Variants in PLCG2 observed in about 807,000 individuals in gnomAD.
The protein encoded by PLCG2 is phospholipase C gamma 2, also known as 1-phosphatidylinositol 4,5-bisphosphate phosphodiesterase gamma-2.
A neutral mutation model predicts 175.6 loss-of-function variants in PLCG2; 69 were observed. That is an observed-to-expected ratio of 0.39 (90% CI 0.32 to 0.48). The LOEUF (loss-of-function observed/expected upper bound fraction) is 0.48. Ranked by LOEUF, PLCG2 falls within the 20% of genes least tolerant of loss-of-function variation. The probability of loss-of-function intolerance (pLI) is 0.91; values close to 1 mark genes in which losing one functional copy is unlikely to be tolerated. For synonymous variants in PLCG2, 827 were observed against 624.0 expected (o/e 1.33, Z -4.85); for missense variants, 1,798 against 1,650.9 (o/e 1.09, Z -1.54).
chr16:81,834,385 C>T (rs1050851997), intron 2 of PLCG2, among the ~76,000 whole-genome samples: 6 of 152,046 alleles, frequency 3.9e-5, no homozygotes, highest in Admixed American at 6.6e-5. Context: ...GCCCAGGAGC[C>T]GGCGCGGGTG....
chr16:81,856,214 C>T (rs556177179), intron 3 of PLCG2, among the ~76,000 whole-genome samples: 1 of 152,296 alleles, frequency 6.6e-6, no homozygotes, highest in South Asian at 2.1e-4. Flanking sequence ...AAGATGAGAG[C>T]AGCAGTCTCT....
intron 2 of PLCG2, among the ~76,000 whole-genome samples, chr16:81,846,905 C>T (rs187908676): frequency 1.6e-3 from 250 of 152,262 alleles, no homozygotes; most frequent in African/African-American, 5.8e-3. Flanking sequence ...GTTTTCCCCC[C>T]ACGCATCAAG....
At chr16:81,804,152 A>T (rs531679922) in intron 2 of PLCG2, among the ~76,000 whole-genome samples, 1 of 152,166 alleles carries the variant, frequency 6.6e-6, no homozygotes, top group South Asian at 2.1e-4. Flanking sequence ...CAGTTGCACC[A>T]TTTACTTTCC....
At chr16:81,740,778 C>G (rs1342842883) in intron 1 of PLCG2, among the ~76,000 whole-genome samples, 1 of 78,410 alleles carries the variant, frequency 1.3e-5, no homozygotes, top group African/African-American at 4.8e-5. Flanking sequence ...CAAACCAAAA[C>G]ACAACCAAAG....
intron 2 of PLCG2, among the ~76,000 whole-genome samples, chr16:81,768,025 G>C (rs1283654714): frequency 6.6e-6 from 1 of 152,128 alleles, no homozygotes; most frequent in Non-Finnish European, 1.5e-5. Flanking sequence ...GAGTAGCTGG[G>C]ATTACAGGCA....
chr16:81,773,951 G>C (rs564393866), intron 2 of PLCG2, among the ~76,000 whole-genome samples: 1 of 151,922 alleles, frequency 6.6e-6, no homozygotes, highest in Non-Finnish European at 1.5e-5. Context: ...TGGAGCCTGG[G>C]AGTGCCTGGC....
At chr16:81,795,349 G>A (rs1911419824) in intron 2 of PLCG2, among the ~76,000 whole-genome samples, 1 of 152,204 alleles carries the variant, frequency 6.6e-6, no homozygotes, top group Admixed American at 6.5e-5. Context: ...GACTTGAAGG[G>A]TGAGAAGGAG....
chr16:81,886,368 C>T (rs140103404), intron 9 of PLCG2, among the ~76,000 whole-genome samples: 1 of 152,302 alleles, frequency 6.6e-6, no homozygotes, highest in East Asian at 1.9e-4. Flanking sequence ...CACAGATGCT[C>T]ATATGGAATA....
intron 2 of PLCG2, among the ~76,000 whole-genome samples, chr16:81,758,413 T>A (rs993047484): frequency 1.3e-5 from 2 of 152,246 alleles, no homozygotes; most frequent in Non-Finnish European, 2.9e-5. Flanking sequence ...TGACGGACAT[T>A]TGGGTTGCCT....
intron 2 of PLCG2, among the ~76,000 whole-genome samples, chr16:81,786,736 A>T (rs1910989506): frequency 6.6e-6 from 1 of 152,230 alleles, no homozygotes; most frequent in African/African-American, 2.4e-5. Context: ...CAGCTGGTTC[A>T]GATCCTAAAG....
rs968158251 is a variant in PLCG2, at chr16:81,803,181, T to C, written c.193+16999T>C. Among the ~76,000 whole-genome samples the C allele has an allele frequency of 2.0e-5, 3 of 148,754 alleles. No individual in the cohort carries two copies. In the South Asian group the frequency reaches 6.4e-4, roughly 32 times the overall value. On this transcript the variant is annotated intron_variant, in intron 2 of 32. Coordinates refer to ENST00000564138, the MANE Select transcript of PLCG2 (RefSeq NM_002661.5). ...TCGCCCAGGCTGGAGTGCAGTGGCATGATCTCGGCTCACTGCAAGCTCTGC... is the reference window on the plus strand; with the variant it reads ...TCGCCCAGGCTGGAGTGCAGTGGCACGATCTCGGCTCACTGCAAGCTCTGC...
intron 2 of PLCG2, among the ~76,000 whole-genome samples, chr16:81,824,050 TG>T (rs1320700381): frequency 0.53 from 35,068 of 65,942 alleles, 8,802 homozygotes; most frequent in East Asian, 0.8. Context: ...TTTCCTTTCC[TG>T]TCCTGTCCTG....
intron 3 of PLCG2, among the ~76,000 whole-genome samples, chr16:81,856,577 T>C (rs1479089615): frequency 6.6e-6 from 1 of 152,116 alleles, no homozygotes; most frequent in Non-Finnish European, 1.5e-5. Flanking sequence ...CTGCTTAGGG[T>C]TGTGGTGCAG....
At chr16:81,870,327 G>T (rs531122996) in intron 6 of PLCG2, among the ~76,000 whole-genome samples, 121 of 152,318 alleles carry the variant, frequency 7.9e-4, no homozygotes, top group African/African-American at 2.8e-3. Context: ...GGGTTTGAAA[G>T]GGTCAAGGAA....
At chr16:81,784,027 C>T (rs573998407) in intron 1 of PLCG2, among the ~76,000 whole-genome samples, 12 of 152,310 alleles carry the variant, frequency 7.9e-5, no homozygotes, top group African/African-American at 2.4e-4. Context: ...CTCTGCCCGC[C>T]GTGCCCCCAG....
At chr16:81,852,895 G>C (rs994075504) in intron 2 of PLCG2, among the ~76,000 whole-genome samples, 1 of 152,120 alleles carries the variant, frequency 6.6e-6, no homozygotes. Flanking sequence ...TGTTGGCTGA[G>C]GGCATTGATT....
At chr16:81,822,577 C>T (rs1194978029) in intron 2 of PLCG2, among the ~76,000 whole-genome samples, 4 of 151,754 alleles carry the variant, frequency 2.6e-5, no homozygotes, top group East Asian at 1.9e-4. Flanking sequence ...GCCAATATGG[C>T]GAAACCCCGT....
chr16:81,939,254 AC>A (rs1310683337), intron 29 of PLCG2, among the ~76,000 whole-genome samples: 1 of 152,102 alleles, frequency 6.6e-6, no homozygotes, highest in Non-Finnish European at 1.5e-5. Flanking sequence ...GAGGGGGTGA[AC>A]CTACGTGGCT....
At chr16:81,891,411 C>A in intron 10 of PLCG2, 61 bp from the exon 11 acceptor site, 1 of 969,036 alleles carries the variant, frequency 1.0e-6, no homozygotes, top group Non-Finnish European at 1.7e-6. Flanking sequence ...AGACCAGAAA[C>A]AAGCAGACAC....
Sources: gnomAD v4.1 joint callset for allele counts (sites outside exome capture counted in the v4.1 genomes callset) on GRCh38, gnomAD v4.1.1 for gene constraint, MANE v1.5 for transcripts, NCBI Gene and HGNC (gene_info 2026-07-23, HGNC 2026-07-21) for gene names.